CAPN5: variants seen among roughly 807,000 people sequenced by gnomAD.
CAPN5 encodes calpain-5.
Under a neutral mutation model 73.0 loss-of-function variants are expected in CAPN5, and 54 were observed. That is an observed-to-expected ratio of 0.74 (90% CI 0.59 to 0.93). The LOEUF (loss-of-function observed/expected upper bound fraction) is 0.93. Among genes scored for constraint, CAPN5 ranks in the 40% least tolerant of loss-of-function variants. The probability of loss-of-function intolerance (pLI) is 0.00; values close to 1 mark genes in which losing one functional copy is unlikely to be tolerated. For missense variants in CAPN5, 785 were observed against 882.9 expected (o/e 0.89, Z 1.41); for synonymous variants, 335 against 356.9 (o/e 0.94, Z 0.69).
Position 77,125,732 on chromosome 11 carries a change from C to T in CAPN5, c.*1862C>T, listed in dbSNP as rs1378344179. On this transcript the variant is annotated 3_prime_UTR_variant, in exon 13 of 13. Transcript: ENST00000648180. ...AGCCAGCTTGCACCTCAGGCTAACA[C>T]ATAGGACTTTGCTCAGCCATGTCCC... 4 of 152,406 alleles carry T rather than the reference C, an allele frequency of 2.6e-5. No homozygotes were observed. The highest frequency in any genetic ancestry group is 9.7e-5 in the African/African-American group (4 of 41,384). 9.4% of individuals were successfully genotyped at this position (152,406 alleles called of 1,614,324 possible).
chr11:77,122,004 C>A lies in CAPN5; in HGVS notation c.1558C>A (p.Gln520Lys). Residue 520 changes from glutamine to lysine, a missense_variant, in exon 11 of 13, where the codon CAG becomes AAG. By Grantham distance (53) the Gln-to-Lys change is moderately conservative. Coordinates refer to ENST00000648180, the MANE Select transcript of CAPN5 (RefSeq NM_004055.5). ...CTGTGGCTACCCCCAGCTGGTGACC[C>A]AGGTACATGTCCTGGGAGCTGCTGG... is the stretch of plus-strand genomic sequence containing the variant. ...SLCGYPQLVT[Q>K]VHVLGAAGLK... is the part of the protein sequence containing the mutation. The A allele has an allele frequency of 6.4e-7, 1 of 1,563,262 alleles. No individual in the cohort carries two copies.
intron 5 of CAPN5, 88 bp from the exon 6 acceptor site, chr11:77,115,307 G>T: frequency 9.3e-7 from 1 of 1,079,154 alleles, no homozygotes. Flanking sequence ...TGTAGGTCCC[G>T]TGCAGCCTCC....
chr11:77,094,025 C>T (rs1332562946), intron 3 of CAPN5, among the ~76,000 whole-genome samples: 4 of 152,250 alleles, frequency 2.6e-5, no homozygotes, highest in African/African-American at 7.2e-5. Flanking sequence ...GCTGGGAATC[C>T]GTCAGGCTCC....
At chr11:77,086,554 G>A (rs1367633834) in intron 2 of CAPN5, among the ~76,000 whole-genome samples, 1 of 152,188 alleles carries the variant, frequency 6.6e-6, no homozygotes, top group Non-Finnish European at 1.5e-5. Flanking sequence ...GAGCCTCCTG[G>A]CCTGGCCACA....
At chr11:77,077,423 T>C (rs1279374058) in intron 1 of CAPN5, among the ~76,000 whole-genome samples, 1 of 152,142 alleles carries the variant, frequency 6.6e-6, no homozygotes, top group Non-Finnish European at 1.5e-5. Context: ...TTTAATAAGA[T>C]ATCACACTTT....
At chr11:77,100,576 C>G (rs781987004) in intron 3 of CAPN5, among the ~76,000 whole-genome samples, 3 of 152,150 alleles carry the variant, frequency 2.0e-5, no homozygotes, top group Non-Finnish European at 2.9e-5. Context: ...TCATCCCATC[C>G]CTCAGGATCC....
intron 3 of CAPN5, among the ~76,000 whole-genome samples, chr11:77,104,464 G>A (rs1431866239): frequency 2.6e-4 from 39 of 152,220 alleles, no homozygotes; most frequent in Admixed American, 2.6e-3. Flanking sequence ...TCCCAAGTGG[G>A]CTGCAGGCGG....
chr11:77,083,837 C>T (rs1950052973), intron 1 of CAPN5, among the ~76,000 whole-genome samples: 3 of 152,220 alleles, frequency 2.0e-5, no homozygotes, highest in African/African-American at 7.2e-5. Flanking sequence ...ACCACTGGGG[C>T]TGGCACTCAC....
rs1472519691 is a variant in CAPN5 at position 77,093,814 on chromosome 11, G to A, written c.297+1G>A. ...CTCCCGGGAGTCGCTGTGGCAAAAG[G>A]TGAGGCCTCGGGCAGAGTGGGCAGG... is the stretch of plus-strand genomic sequence containing the variant. On this transcript the variant is annotated splice_donor_variant, in intron 3 of 12. Coordinates refer to ENST00000648180, the MANE Select transcript of CAPN5 (RefSeq NM_004055.5). LOFTEE classifies it high-confidence loss of function. The A allele has an allele frequency of 1.2e-6, 2 of 1,609,250 alleles. No individual in the cohort carries two copies. Among genetic ancestry groups the A allele is most frequent in the South Asian group, 1.1e-5 (1 of 91,052 alleles).
chr11:77,101,786 A>G (rs1950287498), intron 3 of CAPN5, among the ~76,000 whole-genome samples: 1 of 151,896 alleles, frequency 6.6e-6, no homozygotes, highest in African/African-American at 2.4e-5. Context: ...CTCCACTCAC[A>G]CTCCAGTTCT....
chr11:77,116,124 G>A, intron 6 of CAPN5, 102 bp from the exon 7 acceptor site: 1 of 1,071,316 alleles, frequency 9.3e-7, no homozygotes, highest in South Asian at 1.4e-5. Flanking sequence ...TGGAGGCCTG[G>A]TGCAAGACTG....
In CAPN5 at chr11:77,085,196, T is replaced by G. The variant is rs1489089262; in HGVS notation, c.165+145T>G. 6 of 704,540 alleles carry G rather than the reference T, an allele frequency of 8.5e-6. No individual in the cohort carries two copies. In the Admixed American group the frequency reaches 1.2e-4, roughly 14 times the overall value. 43.6% of individuals were successfully genotyped at this position (704,540 alleles called of 1,614,324 possible). On this transcript the variant is annotated intron_variant, in intron 2 of 12. Coordinates refer to ENST00000648180, the MANE Select transcript of CAPN5 (RefSeq NM_004055.5). The stretch of plus-strand genomic sequence containing the variant: ...GTGAGGGTGCTGAAACGGTGGGATT[T>G]GATCCGGATGGGGAGCTTGGAGAAT...
At chr11:77,092,328 T>C (rs1011117353) in intron 2 of CAPN5, among the ~76,000 whole-genome samples, 5 of 152,246 alleles carry the variant, frequency 3.3e-5, no homozygotes, top group Non-Finnish European at 7.3e-5. Flanking sequence ...AGATTGCCGA[T>C]TGAGGAGCTG....
intron 3 of CAPN5, chr11:77,102,901 T>C (rs782169005): frequency 1.2e-6 from 2 of 1,612,584 alleles, no homozygotes; most frequent in South Asian, 2.2e-5. Context: ...GACCAGGGCC[T>C]GACCAGGCAG....
In CAPN5 at chr11:77,112,773, C is replaced by T; in HGVS notation, c.482C>T (p.Ala161Val). The change falls in exon 4 of 13, where the codon GCC becomes GTC. Residue 161 changes from alanine to valine, a missense_variant. Ala to Val is a moderately conservative substitution (Grantham distance 64). Transcript: ENST00000648180. ...HSNSRNEFWC[A>V]LVEKAYAKLA... ...AACTCCCGCAATGAGTTTTGGTGCGCCCTAGTGGAGAAGGCCTATGCCAAG... is the reference window on the plus strand; with the variant it reads ...AACTCCCGCAATGAGTTTTGGTGCGTCCTAGTGGAGAAGGCCTATGCCAAG... The T allele has an allele frequency of 6.2e-7, 1 of 1,614,228 alleles. No homozygotes were observed. Among genetic ancestry groups the T allele is most frequent in the Middle Eastern group, 1.6e-4 (1 of 6,062 alleles).
rs1555039085 is a variant in CAPN5 at position 77,102,824 on chromosome 11, C to CCA, written c.297+9011_297+9012insCA. The CCA allele has an allele frequency of 2.6e-6, 4 of 1,552,178 alleles. No homozygotes were observed. In the African/African-American group the frequency reaches 5.4e-5, roughly 21 times the overall value. On this transcript the variant is annotated intron_variant, in intron 3 of 12. Coordinates refer to ENST00000648180, the MANE Select transcript of CAPN5 (RefSeq NM_004055.5). ...CCACTTGGGTCCTTGGCGTTGGTGG[C>CCA]AGCAGCACTTGGGCCATGGCGGAGG... is the stretch of plus-strand genomic sequence containing the variant.
At chr11:77,115,714 CGAA>C in intron 6 of CAPN5, 126 bp downstream of exon 6, 1 of 710,952 alleles carries the variant, frequency 1.4e-6, no homozygotes. Flanking sequence ...ACACTAGGAA[CGAA>C]GAAGGGAGAA....
chr11:77,119,329 GC>G, intron 9 of CAPN5, 177 bp downstream of exon 9: 1 of 657,722 alleles, frequency 1.5e-6, no homozygotes, highest in African/African-American at 1.8e-5. Flanking sequence ...TTCACAGAGG[GC>G]CCAGCCTGCC....
intron 4 of CAPN5, 105 bp from the exon 5 acceptor site, chr11:77,114,137 C>A: frequency 2.0e-6 from 2 of 1,002,518 alleles, no homozygotes; most frequent in Non-Finnish European, 1.6e-6. Flanking sequence ...GTGACTGTAA[C>A]AGGTTGTTTG....
Sources: gnomAD v4.1 joint callset for allele counts (sites outside exome capture counted in the v4.1 genomes callset) on GRCh38, gnomAD v4.1.1 for gene constraint, MANE v1.5 for transcripts, NCBI Gene and HGNC (gene_info 2026-07-23, HGNC 2026-07-21) for gene names.